EMCN: variants seen among roughly 807,000 people sequenced by gnomAD.
EMCN encodes the protein endomucin, also known as MUC-14.
EMCN carries 37 observed loss-of-function variants against 38.4 expected under a neutral mutation model. The observed-to-expected ratio is 0.96, with a 90% CI of 0.74 to 1.27. The LOEUF (loss-of-function observed/expected upper bound fraction) is 1.27. Ranked by LOEUF, EMCN falls within the 50% of genes most tolerant of loss-of-function variation. The probability of loss-of-function intolerance (pLI) is 0.00; values close to 1 mark genes in which losing one functional copy is unlikely to be tolerated. For missense variants in EMCN, 318 were observed against 302.8 expected, an observed-to-expected ratio of 1.05 and a Z score of -0.37; for synonymous variants, 95 against 100.8, an observed-to-expected ratio of 0.94 and a Z score of 0.35.
chr4:100,508,673 A>C (rs1363496015), intron 1 of EMCN, among the ~76,000 whole-genome samples: 46 of 152,156 alleles, frequency 3.0e-4, no homozygotes, highest in Non-Finnish European at 7.4e-5. Flanking sequence ...TTTACAGTCT[A>C]TCCTAGTGGG....
chr4:100,410,234 A>C (rs1726513725), intron 11 of EMCN, 48 bp downstream of exon 11: 9 of 1,293,652 alleles, frequency 7.0e-6, no homozygotes, highest in Non-Finnish European at 1.0e-5. Context: ...CCAGGCTAAC[A>C]AAACAGATAT....
intron 5 of EMCN, among the ~76,000 whole-genome samples, chr4:100,443,542 T>C (rs760952614): frequency 4.6e-5 from 7 of 152,232 alleles, no homozygotes; most frequent in Non-Finnish European, 7.3e-5. Flanking sequence ...TGGGGAGTCT[T>C]AGCTGAAGAA....
intron 1 of EMCN, among the ~76,000 whole-genome samples, chr4:100,500,101 T>TA (rs138663772): frequency 0.021 from 3,256 of 151,968 alleles, 112 homozygotes; most frequent in African/African-American, 0.074. Flanking sequence ...GATTTATTTG[T>TA]AAAAAAAAGA....
chr4:100,450,764 T>C (rs1326734424), intron 4 of EMCN, among the ~76,000 whole-genome samples: 1 of 151,900 alleles, frequency 6.6e-6, no homozygotes, highest in Non-Finnish European at 1.5e-5. Flanking sequence ...TATAACTAAG[T>C]CTCAAAATAA....
chr4:100,404,353 G>A (rs1726338508), intron 11 of EMCN, among the ~76,000 whole-genome samples: 2 of 152,004 alleles, frequency 1.3e-5, no homozygotes, highest in African/African-American at 4.8e-5. Context: ...TGTTAAAGAT[G>A]AGATGGTTAT....
At chr4:100,510,844 T>G (rs1237018828) in intron 1 of EMCN, among the ~76,000 whole-genome samples, 1 of 152,180 alleles carries the variant, frequency 6.6e-6, no homozygotes, top group Non-Finnish European at 1.5e-5. Context: ...CTTTGTTTCT[T>G]TCCTTCTTCT....
chr4:100,461,519 A>T (rs1345727753), intron 4 of EMCN, among the ~76,000 whole-genome samples: 2 of 152,152 alleles, frequency 1.3e-5, no homozygotes, highest in Non-Finnish European at 2.9e-5. Context: ...ATAATTTTTA[A>T]TTCAAAAAGC....
chr4:100,481,296 T>C (rs554572645), intron 1 of EMCN, among the ~76,000 whole-genome samples: 1 of 152,240 alleles, frequency 6.6e-6, no homozygotes, highest in South Asian at 2.1e-4. Context: ...ACCAATAATC[T>C]AGCATGTCAG....
intron 4 of EMCN, among the ~76,000 whole-genome samples, chr4:100,464,998 G>A (rs1284623222): frequency 2.6e-5 from 4 of 152,064 alleles, no homozygotes; most frequent in African/African-American, 9.7e-5. Context: ...AGCCATCATG[G>A]CTTGGGGTTT....
chr4:100,413,771 GT>G (rs1726632448), intron 10 of EMCN, among the ~76,000 whole-genome samples: 2 of 152,176 alleles, frequency 1.3e-5, no homozygotes, highest in Non-Finnish European at 2.9e-5. Context: ...CTAAATTGAA[GT>G]TGGCAGAAAT....
chr4:100,493,521 T>C (rs1037296038), intron 1 of EMCN, among the ~76,000 whole-genome samples: 2 of 152,200 alleles, frequency 1.3e-5, no homozygotes, highest in Admixed American at 6.5e-5. Flanking sequence ...GATCTTTGAA[T>C]CCATATTCAC....
intron 11 of EMCN, among the ~76,000 whole-genome samples, chr4:100,410,032 C>G (rs984239543): frequency 1.3e-5 from 2 of 152,168 alleles, no homozygotes; most frequent in African/African-American, 4.8e-5. Context: ...TAACAACAGG[C>G]AGAAAGAGCA....
At chr4:100,442,892 CAGGCT>C (rs1560616642) in intron 5 of EMCN, among the ~76,000 whole-genome samples, 1 of 152,122 alleles carries the variant, frequency 6.6e-6, no homozygotes, top group African/African-American at 2.4e-5. Context: ...CTCTGTCACC[CAGGCT>C]AGAGTGCAGT....
intron 2 of EMCN, among the ~76,000 whole-genome samples, chr4:100,478,639 C>T (rs1321408736): frequency 8.6e-5 from 13 of 151,972 alleles, no homozygotes; most frequent in Admixed American, 5.9e-4. Context: ...GGGAGATGGA[C>T]ATATGGAGAT....
At chr4:100,466,888 T>G (rs539216582) in intron 3 of EMCN, among the ~76,000 whole-genome samples, 174 of 152,164 alleles carry the variant, frequency 1.1e-3, no homozygotes, top group African/African-American at 3.8e-3. Context: ...TGGAGAAAAA[T>G]TCTTCAGCTG....
At chr4:100,480,442 T>C (rs867398933) in intron 1 of EMCN, among the ~76,000 whole-genome samples, 1 of 151,894 alleles carries the variant, frequency 6.6e-6, no homozygotes, top group African/African-American at 2.4e-5. Flanking sequence ...TAGTAAAATG[T>C]CAAAATTAGT....
rs112261865 is a variant in EMCN at position 100,423,971 on chromosome 4, C to A, written c.416-567G>T. 4.6e-3 allele frequency among the ~76,000 whole-genome samples: 695 copies of A among 152,060 alleles called. 7 individuals are homozygous for A. Among genetic ancestry groups the A allele is most frequent in the African/African-American group, 0.016 (662 of 41,500 alleles). ...ATTATGTGCCTTTTCTAGAGTAATG[C>A]TACTTGACTGTTTTTTTTCACTAGC... On this transcript the variant is annotated intron_variant, in intron 5 of 11. Transcript: ENST00000296420.
chr4:100,428,566 C>G (rs115206267), intron 5 of EMCN, among the ~76,000 whole-genome samples: 1 of 152,050 alleles, frequency 6.6e-6, no homozygotes, highest in Non-Finnish European at 1.5e-5. Flanking sequence ...TTATTGTGCT[C>G]ACTCATATTT....
intron 1 of EMCN, among the ~76,000 whole-genome samples, chr4:100,502,406 C>T (rs993598501): frequency 6.6e-6 from 1 of 151,550 alleles, no homozygotes; most frequent in Non-Finnish European, 1.5e-5. Flanking sequence ...TTTTTCAGGC[C>T]GCCCTAGAAA....
Sources: allele counts gnomAD v4.1 joint callset (sites outside exome capture counted in the v4.1 genomes callset), GRCh38; gene constraint gnomAD v4.1.1; transcripts MANE v1.5; gene names NCBI Gene and HGNC (gene_info 2026-07-23, HGNC 2026-07-21).